Variants in LAMA2 observed in about 807,000 individuals in gnomAD.
LAMA2 encodes the protein laminin subunit alpha-2.
Under a neutral mutation model 364.8 loss-of-function variants are expected in LAMA2, and 269 were observed. The observed-to-expected ratio is 0.74, with a 90% CI of 0.67 to 0.82. The LOEUF is 0.82. Ranked by LOEUF, LAMA2 falls within the 40% of genes least tolerant of loss-of-function variation. The probability of loss-of-function intolerance (pLI) is 0.00; values close to 1 mark genes in which losing one functional copy is unlikely to be tolerated. For missense variants in LAMA2, 3,807 were observed against 3,873.2 expected, an observed-to-expected ratio of 0.98 and a Z score of 0.45; for synonymous variants, 1,379 against 1,370.6, an observed-to-expected ratio of 1.01 and a Z score of -0.14.
At chr6:129,416,636 G>A (rs1780805847) in intron 40 of LAMA2, among the ~76,000 whole-genome samples, 1 of 152,106 alleles carries the variant, frequency 6.6e-6, no homozygotes, top group Non-Finnish European at 1.5e-5. Context: ...AGGATCCTTG[G>A]GGTGTTTCTT....
chr6:129,039,032 C>G (rs1198317269), intron 1 of LAMA2, among the ~76,000 whole-genome samples: 8 of 152,118 alleles, frequency 5.3e-5, no homozygotes. Context: ...TGAACTCATT[C>G]TTATTCAGTA....
At chr6:129,034,424 C>T (rs1310668891) in intron 1 of LAMA2, among the ~76,000 whole-genome samples, 2 of 152,036 alleles carry the variant, frequency 1.3e-5, no homozygotes, top group African/African-American at 4.8e-5. Flanking sequence ...CATTAGTGTT[C>T]CTACAAGAAA....
chr6:129,456,400 G>A lies in LAMA2; in HGVS notation c.6773G>A (p.Ser2258Asn), dbSNP rs781075479. 1.5e-5 allele frequency: 25 copies of A among 1,613,450 alleles called. No homozygotes were observed. The South Asian group carries it at 2.4e-4, about 16-fold the overall frequency. Residue 2258 changes from serine (S) to asparagine (N), a missense_variant, in exon 48 of 65, where the codon AGC becomes AAC. Coordinates refer to ENST00000421865, the MANE Select transcript of LAMA2 (RefSeq NM_000426.4). ...LDGPKASIVP[S>N]THHSTSPPGY... ...GGACCCAAAGCCAGCATTGTGCCCA[G>A]CACACACCATTCGACGTCTCCTCCA...
intron 21 of LAMA2, among the ~76,000 whole-genome samples, chr6:129,300,245 T>C (rs1430382394): frequency 6.6e-6 from 1 of 152,208 alleles, no homozygotes; most frequent in East Asian, 1.9e-4. Context: ...ATTATTCTGT[T>C]GTGTGCGTTT....
intron 1 of LAMA2, among the ~76,000 whole-genome samples, chr6:128,946,442 C>T (rs577072916): frequency 6.6e-6 from 1 of 152,306 alleles, no homozygotes; most frequent in Non-Finnish European, 1.5e-5. Context: ...GCTGCCCCTG[C>T]CCAGCATCAC....
chr6:129,192,170 T>C (rs1781555685), intron 11 of LAMA2, among the ~76,000 whole-genome samples: 1 of 152,230 alleles, frequency 6.6e-6, no homozygotes, highest in Non-Finnish European at 1.5e-5. Context: ...GTGGAAATAC[T>C]GAATGAAACA....
At chr6:129,254,034 T>C (rs1786454552) in intron 14 of LAMA2, among the ~76,000 whole-genome samples, 1 of 152,250 alleles carries the variant, frequency 6.6e-6, no homozygotes, top group Non-Finnish European at 1.5e-5. Flanking sequence ...AAGCTTGTTA[T>C]ATTTTATCTT....
At chr6:129,028,688 T>A (rs1786008895) in intron 1 of LAMA2, among the ~76,000 whole-genome samples, 2 of 151,886 alleles carry the variant, frequency 1.3e-5, no homozygotes, top group African/African-American at 4.8e-5. Context: ...ACTGAAAACA[T>A]TTCATTCAAT....
intron 1 of LAMA2, among the ~76,000 whole-genome samples, chr6:128,971,099 C>T (rs184797078): frequency 2.4e-4 from 37 of 152,284 alleles, no homozygotes; most frequent in Non-Finnish European, 5.9e-5. Flanking sequence ...AAGAGTCCAT[C>T]TCCTTTGCCT....
At chr6:129,382,984 C>A in intron 34 of LAMA2, 138 bp from the exon 35 acceptor site, 1 of 713,580 alleles carries the variant, frequency 1.4e-6, no homozygotes, top group Admixed American at 2.0e-5. Context: ...GCATCATTTG[C>A]AATACATCTG....
chr6:129,210,268 G>C (rs988840084), intron 12 of LAMA2, among the ~76,000 whole-genome samples: 1 of 151,974 alleles, frequency 6.6e-6, no homozygotes, highest in African/African-American at 2.4e-5. Flanking sequence ...TCTGAATTCA[G>C]GGATTGACTT....
intron 10 of LAMA2, among the ~76,000 whole-genome samples, chr6:129,182,256 CTG>C (rs1780977428): frequency 6.6e-6 from 1 of 151,490 alleles, no homozygotes; most frequent in Non-Finnish European, 1.5e-5. Flanking sequence ...CAGTGAAAAT[CTG>C]TGAAATTTGA....
At chr6:128,959,246 G>T (rs1781334620) in intron 1 of LAMA2, among the ~76,000 whole-genome samples, 1 of 152,266 alleles carries the variant, frequency 6.6e-6, no homozygotes, top group East Asian at 1.9e-4. Context: ...ATTAATTGAT[G>T]ATTTTTGTTA....
At chr6:128,910,235 C>T (rs1411014194) in intron 1 of LAMA2, among the ~76,000 whole-genome samples, 1 of 152,230 alleles carries the variant, frequency 6.6e-6, no homozygotes, top group Non-Finnish European at 1.5e-5. Flanking sequence ...AGAGTGTTTT[C>T]CAACTTGGTT....
chr6:129,060,994 A>T (rs950895021), intron 3 of LAMA2, among the ~76,000 whole-genome samples: 2 of 152,200 alleles, frequency 1.3e-5, no homozygotes, highest in Admixed American at 1.3e-4. Context: ...AATATACAGC[A>T]GCTGAATGTC....
intron 34 of LAMA2, among the ~76,000 whole-genome samples, chr6:129,378,576 C>T (rs970577723): frequency 6.6e-6 from 1 of 152,132 alleles, no homozygotes; most frequent in Non-Finnish European, 1.5e-5. Flanking sequence ...GACTGAAAGT[C>T]AAAACTTATA....
chr6:129,078,667 TAAC>T lies in LAMA2; in HGVS notation c.396+18774_396+18776del, dbSNP rs1562218873. 8.5e-5 allele frequency among the ~76,000 whole-genome samples: 13 copies of T among 152,272 alleles called. 1 individual carries two copies. The South Asian group carries it at 2.7e-3, about 32-fold the overall frequency. Reference sequence around the variant, plus strand: ...TTTAAAAAGTCATGGTAAAATGACATAACAAACAATTTTTTATCTTAGCCACTT... The same window carrying T: ...TTTAAAAAGTCATGGTAAAATGACATAAACAATTTTTTATCTTAGCCACTT... On this transcript the variant is annotated intron_variant, in intron 3 of 64. Transcript: ENST00000421865.
intron 12 of LAMA2, among the ~76,000 whole-genome samples, chr6:129,199,568 T>G (rs993129392): frequency 4.6e-5 from 7 of 152,160 alleles, no homozygotes; most frequent in Admixed American, 4.6e-4. Context: ...GATATACTTA[T>G]CTGCTTGTAA....
Position 129,044,176 on chromosome 6 carries a change from A to G in LAMA2, c.113-5742A>G, listed in dbSNP as rs546623737. Among the ~76,000 whole-genome samples the G allele has an allele frequency of 1.8e-4, 23 of 128,470 alleles. No individual in the cohort carries two copies. The South Asian group carries it at 3.0e-3, about 17-fold the overall frequency. 84.3% of individuals were successfully genotyped at this position (128,470 alleles called of 152,430 possible). A position where few individuals can be genotyped will look rare whatever the true frequency, so the allele number is the denominator to read the frequency against. ...CAGATATCTGGTGTTTGCTGTGTGT[A>G]TATATATATATATACACACACATAT... On this transcript the variant is annotated intron_variant, in intron 1 of 64. Transcript: ENST00000421865.
Sources: gnomAD v4.1 joint callset for allele counts (sites outside exome capture counted in the v4.1 genomes callset) on GRCh38, gnomAD v4.1.1 for gene constraint, MANE v1.5 for transcripts, NCBI Gene and HGNC (gene_info 2026-07-23, HGNC 2026-07-21) for gene names.